GRIN2A: variants seen among roughly 807,000 people sequenced by gnomAD.
GRIN2A encodes the protein glutamate receptor ionotropic, NMDA 2A.
In GRIN2A, 22 loss-of-function variants were observed where a neutral mutation model predicts 113.4. The ratio of observed to expected loss-of-function variants is 0.19; its 90% CI spans 0.14 to 0.28. GRIN2A has a LOEUF of 0.28. Ranked by LOEUF, GRIN2A falls within the 10% of genes least tolerant of loss-of-function variation. The pLI is 1.00. For synonymous variants in GRIN2A, 827 were observed against 738.4 expected, an observed-to-expected ratio of 1.12 and a Z score of -1.94; for missense variants, 1,502 against 1,887.0, an observed-to-expected ratio of 0.80 and a Z score of 3.78.
chr16:9,832,047 T>G (rs1335969800), intron 8 of GRIN2A, among the ~76,000 whole-genome samples: 2 of 152,056 alleles, frequency 1.3e-5, no homozygotes, highest in East Asian at 3.8e-4. Flanking sequence ...GCCTTCTGAG[T>G]AGCCGGGAAT....
chr16:10,101,230 C>A (rs1359834570), intron 2 of GRIN2A, among the ~76,000 whole-genome samples: 1 of 152,224 alleles, frequency 6.6e-6, no homozygotes, highest in African/African-American at 2.4e-5. Context: ...AATTCTACTT[C>A]CTGCCTTCCC....
intron 11 of GRIN2A, among the ~76,000 whole-genome samples, chr16:9,794,304 A>T (rs758636209): frequency 6.6e-6 from 1 of 152,136 alleles, no homozygotes; most frequent in Non-Finnish European, 1.5e-5. Context: ...CATTAGGAAA[A>T]TTTTTTATAC....
intron 2 of GRIN2A, chr16:10,027,798 CT>C (rs2046851574): frequency 6.5e-6 from 1 of 152,688 alleles, no homozygotes; most frequent in Non-Finnish European, 1.5e-5. Flanking sequence ...AGAGATGATG[CT>C]GCACCCACCA....
At chr16:9,797,598 G>A (rs776369520) in intron 11 of GRIN2A, among the ~76,000 whole-genome samples, 49 of 152,186 alleles carry the variant, frequency 3.2e-4, no homozygotes, top group Non-Finnish European at 5.3e-4. Flanking sequence ...GGTACAACAT[G>A]ACTCCACCGT....
chr16:9,785,523 G>A (rs1041088441), intron 11 of GRIN2A, among the ~76,000 whole-genome samples: 7 of 151,802 alleles, frequency 4.6e-5, no homozygotes, highest in African/African-American at 1.5e-4. Context: ...ACACCAACAT[G>A]GCACATGTAC....
At chr16:10,018,792 G>C (rs991374442) in intron 2 of GRIN2A, among the ~76,000 whole-genome samples, 3 of 152,128 alleles carry the variant, frequency 2.0e-5, no homozygotes, top group Non-Finnish European at 4.4e-5. Flanking sequence ...AGGTTGCTCT[G>C]ATTCTCTAGG....
chr16:9,787,808 G>A (rs142974576), intron 11 of GRIN2A, among the ~76,000 whole-genome samples: 250 of 152,332 alleles, frequency 1.6e-3, no homozygotes, highest in Middle Eastern at 6.8e-3. Context: ...CAGATGCTCT[G>A]CAGTTCCTCT....
In GRIN2A at chr16:9,989,484, A is replaced by T. The variant is rs191450102; in HGVS notation, c.415-50933T>A. 2.9e-4 allele frequency among the ~76,000 whole-genome samples: 44 copies of T among 152,330 alleles called. 1 individual carries two copies. Among genetic ancestry groups the T allele is most frequent in the South Asian group, 1.2e-3 (6 of 4,826 alleles). ...ACTGTTCTGGACATTAGCCTAGGCA[A>T]ATAATTTATGACTAAGTCCTCAAAA... On this transcript the variant is annotated intron_variant, in intron 2 of 12. Transcript: ENST00000330684.
chr16:10,009,612 G>A (rs924744940), intron 2 of GRIN2A, among the ~76,000 whole-genome samples: 5 of 152,150 alleles, frequency 3.3e-5, no homozygotes, highest in African/African-American at 1.2e-4. Flanking sequence ...CTGTGCCTGA[G>A]CTCACCTGGG....
chr16:9,850,750 C>T (rs1478835610), intron 4 of GRIN2A, among the ~76,000 whole-genome samples: 2 of 152,134 alleles, frequency 1.3e-5, no homozygotes, highest in South Asian at 2.1e-4. Flanking sequence ...CACTGCTTAG[C>T]GTACATCAAG....
intron 3 of GRIN2A, among the ~76,000 whole-genome samples, chr16:9,927,165 C>T (rs2044484395): frequency 2.0e-5 from 3 of 152,200 alleles, no homozygotes; most frequent in Admixed American, 2.0e-4. Context: ...TCATTGTTAA[C>T]AGAACTCAAA....
intron 2 of GRIN2A, among the ~76,000 whole-genome samples, chr16:9,979,073 G>A (rs2045833241): frequency 1.3e-5 from 2 of 152,280 alleles, no homozygotes; most frequent in South Asian, 4.1e-4. Context: ...GCCAAGCACA[G>A]CTTAAACTGA....
At chr16:10,073,372 G>A (rs548705969) in intron 2 of GRIN2A, among the ~76,000 whole-genome samples, 1 of 152,134 alleles carries the variant, frequency 6.6e-6, no homozygotes, top group Non-Finnish European at 1.5e-5. Context: ...AAAGACACAG[G>A]AGTGTTTTAC....
chr16:10,147,725 C>G (rs1044784259), intron 2 of GRIN2A, among the ~76,000 whole-genome samples: 5 of 152,034 alleles, frequency 3.3e-5, no homozygotes, highest in African/African-American at 1.2e-4. Flanking sequence ...AAAATACAAG[C>G]ATAGCTTCTA....
intron 2 of GRIN2A, among the ~76,000 whole-genome samples, chr16:9,966,109 G>C (rs2045552131): frequency 6.6e-6 from 1 of 152,184 alleles, no homozygotes; most frequent in Non-Finnish European, 1.5e-5. Context: ...CACGAGGGCA[G>C]GGTTCTCAAC....
At chr16:10,140,903 G>A (rs1359816941) in intron 2 of GRIN2A, among the ~76,000 whole-genome samples, 1 of 152,166 alleles carries the variant, frequency 6.6e-6, no homozygotes, top group Non-Finnish European at 1.5e-5. Context: ...CCTGAATAAA[G>A]TCAATACAGG....
At chr16:9,863,006 C>A (rs1334405534) in intron 4 of GRIN2A, among the ~76,000 whole-genome samples, 3 of 152,056 alleles carry the variant, frequency 2.0e-5, no homozygotes, top group African/African-American at 7.2e-5. Context: ...GATAAAAACG[C>A]CATTATTAGA....
At chr16:10,135,143 T>C (rs1331234941) in intron 2 of GRIN2A, among the ~76,000 whole-genome samples, 1 of 152,184 alleles carries the variant, frequency 6.6e-6, no homozygotes, top group African/African-American at 2.4e-5. Flanking sequence ...GGCTGCCCCT[T>C]CAACACTTTA....
intron 2 of GRIN2A, among the ~76,000 whole-genome samples, chr16:9,999,721 C>T (rs1295411089): frequency 6.6e-6 from 1 of 151,922 alleles, no homozygotes; most frequent in Non-Finnish European, 1.5e-5. Context: ...CACATGTACC[C>T]CAGAACTGAA....
Sources: gnomAD v4.1 joint callset for allele counts (sites outside exome capture counted in the v4.1 genomes callset) on GRCh38, gnomAD v4.1.1 for gene constraint, MANE v1.5 for transcripts, NCBI Gene and HGNC (gene_info 2026-07-23, HGNC 2026-07-21) for gene names.